ROBO2: variants seen among roughly 807,000 people sequenced by gnomAD.
ROBO2 encodes the protein roundabout guidance receptor 2, also known as roundabout homolog 2.
Under a neutral mutation model 160.8 loss-of-function variants are expected in ROBO2, and 53 were observed. The ratio of observed to expected loss-of-function variants is 0.33; its 90% CI spans 0.26 to 0.41. The LOEUF (loss-of-function observed/expected upper bound fraction) is 0.41. ROBO2 is among the 10% of genes least tolerant of loss of function. The probability of loss-of-function intolerance (pLI) is 1.00; values close to 1 mark genes in which losing one functional copy is unlikely to be tolerated. For synonymous variants in ROBO2, 664 were observed against 611.7 expected (o/e 1.09, Z -1.26); for missense variants, 1,577 against 1,722.4 (o/e 0.92, Z 1.49).
chr3:76,033,698 T>G (rs537895925), intron 2 of ROBO2, among the ~76,000 whole-genome samples: 116 of 152,326 alleles, frequency 7.6e-4, no homozygotes, highest in African/African-American at 2.7e-3. Flanking sequence ...GAAGAAGAGA[T>G]AACTCGTCCA....
intron 2 of ROBO2, among the ~76,000 whole-genome samples, chr3:77,217,595 A>G (rs1022279782): frequency 6.6e-6 from 1 of 152,176 alleles, no homozygotes; most frequent in Non-Finnish European, 1.5e-5. Flanking sequence ...TCCTAGTTTC[A>G]TGTTGTAATT....
chr3:75,977,404 T>A (rs1310698340), intron 2 of ROBO2, among the ~76,000 whole-genome samples: 1 of 151,642 alleles, frequency 6.6e-6, no homozygotes, highest in Non-Finnish European at 1.5e-5. Flanking sequence ...GTCAAATAGT[T>A]AATTGTAGAC....
chr3:76,792,432 T>G lies in ROBO2; in HGVS notation c.110-305582T>G, dbSNP rs541802846. Among the ~76,000 whole-genome samples, 247 of 151,894 alleles carry G rather than the reference T, an allele frequency of 1.6e-3. 1 individual carries two copies. The highest frequency in any genetic ancestry group is 5.5e-4 in the Non-Finnish European group (37 of 67,844). On this transcript the variant is annotated intron_variant, in intron 2 of 26. Transcript: ENST00000487694. ...AAGGAACAACTGTAATTTGTTTTTT[T>G]GGGATAGATAACGAATACTGTACGA...
intron 1 of ROBO2, among the ~76,000 whole-genome samples, chr3:75,934,397 T>C (rs1947679352): frequency 6.6e-6 from 1 of 152,230 alleles, no homozygotes. Context: ...CAAAAGAAGA[T>C]TAGAGAAGTC....
intron 2 of ROBO2, among the ~76,000 whole-genome samples, chr3:76,403,612 A>G (rs2077973212): frequency 6.6e-6 from 1 of 151,516 alleles, no homozygotes; most frequent in Non-Finnish European, 1.5e-5. Flanking sequence ...CTTTAACTGC[A>G]GGCCACCACT....
intron 2 of ROBO2, among the ~76,000 whole-genome samples, chr3:76,651,236 G>A (rs979452343): frequency 2.6e-5 from 4 of 151,980 alleles, no homozygotes; most frequent in Non-Finnish European, 5.9e-5. Flanking sequence ...CTTCCTCATC[G>A]CGGCCAGGAT....
intron 6 of ROBO2, among the ~76,000 whole-genome samples, chr3:77,544,339 G>C (rs1166858147): frequency 6.6e-6 from 1 of 151,902 alleles, no homozygotes; most frequent in African/African-American, 2.4e-5. Context: ...AAAATACAAG[G>C]CAACCTATAC....
chr3:76,132,270 C>A (rs76610953), intron 2 of ROBO2, among the ~76,000 whole-genome samples: 4 of 151,952 alleles, frequency 2.6e-5, no homozygotes, highest in African/African-American at 9.7e-5. Flanking sequence ...ATAGGAGAGA[C>A]GTGCTACAGG....
exon 22 of ROBO2, chr3:77,617,723 C>T: frequency 6.2e-7 from 1 of 1,613,918 alleles, no homozygotes; most frequent in Non-Finnish European, 8.5e-7. Context: ...TGCAGGCTCA[C>T]CTGGATGAGT....
At chr3:76,157,037 T>A (rs2072434437) in intron 2 of ROBO2, among the ~76,000 whole-genome samples, 1 of 152,144 alleles carries the variant, frequency 6.6e-6, no homozygotes, top group Admixed American at 6.6e-5. Flanking sequence ...TGGATATGTG[T>A]GTGGATATAC....
chr3:77,222,761 T>A (rs79077241), intron 2 of ROBO2, among the ~76,000 whole-genome samples: 4,003 of 152,318 alleles, frequency 0.026, 190 homozygotes, highest in African/African-American at 0.089. Flanking sequence ...AATGGTGATA[T>A]GTCCATTTGC....
At chr3:75,932,687 G>A (rs1947597007) in intron 1 of ROBO2, among the ~76,000 whole-genome samples, 1 of 152,166 alleles carries the variant, frequency 6.6e-6, no homozygotes, top group African/African-American at 2.4e-5. Flanking sequence ...TGAACTAATG[G>A]CAGAGTGGAA....
At chr3:77,579,516 T>G (rs1453763348) in intron 15 of ROBO2, among the ~76,000 whole-genome samples, 1 of 152,136 alleles carries the variant, frequency 6.6e-6, no homozygotes, top group Non-Finnish European at 1.5e-5. Flanking sequence ...CAACTTATAA[T>G]CACCATATTT....
chr3:76,151,112 T>G (rs1004683246), intron 2 of ROBO2, among the ~76,000 whole-genome samples: 1 of 152,084 alleles, frequency 6.6e-6, no homozygotes, highest in Non-Finnish European at 1.5e-5. Context: ...ATCTTCAAAA[T>G]CCTTGTGACC....
At chr3:77,636,983 G>A (rs980497657) in intron 24 of ROBO2, among the ~76,000 whole-genome samples, 10 of 152,174 alleles carry the variant, frequency 6.6e-5, no homozygotes, top group African/African-American at 2.4e-4. Context: ...CAGATTGAAA[G>A]GTGAATTTCT....
intron 2 of ROBO2, among the ~76,000 whole-genome samples, chr3:76,587,573 C>T (rs556644259): frequency 1.3e-5 from 2 of 152,186 alleles, no homozygotes; most frequent in South Asian, 4.1e-4. Context: ...ATCATTATCA[C>T]GAGAACAGAA....
intron 2 of ROBO2, among the ~76,000 whole-genome samples, chr3:76,065,295 A>G (rs2068215257): frequency 6.6e-6 from 1 of 152,140 alleles, no homozygotes. Context: ...TAAAGTAGCA[A>G]TTAGTGCTTA....
At chr3:76,516,019 C>T (rs1334880822) in intron 2 of ROBO2, among the ~76,000 whole-genome samples, 1 of 151,864 alleles carries the variant, frequency 6.6e-6, no homozygotes, top group Non-Finnish European at 1.5e-5. Context: ...AAGTCAGAGG[C>T]GAAAAGCTAG....
intron 2 of ROBO2, among the ~76,000 whole-genome samples, chr3:76,165,703 CT>C (rs1345629232): frequency 6.6e-6 from 1 of 152,134 alleles, no homozygotes; most frequent in Non-Finnish European, 1.5e-5. Flanking sequence ...GCATCTCTTC[CT>C]TTCCCTTGAA....
Sources: allele counts gnomAD v4.1 joint callset (sites outside exome capture counted in the v4.1 genomes callset), GRCh38; gene constraint gnomAD v4.1.1; transcripts MANE v1.5; gene names NCBI Gene and HGNC (gene_info 2026-07-23, HGNC 2026-07-21).